MED13: variants seen among roughly 807,000 people sequenced by gnomAD.
MED13 encodes the protein mediator complex subunit 13.
A neutral mutation model predicts 225.2 loss-of-function variants in MED13; 23 were observed. The ratio of observed to expected loss-of-function variants is 0.10; its 90% CI spans 0.07 to 0.14. The LOEUF (loss-of-function observed/expected upper bound fraction) is 0.14. MED13 is among the 10% of genes least tolerant of loss of function. The pLI, the probability that MED13 is intolerant of heterozygous loss-of-function variation, is 1.00. For missense variants in MED13, 2,197 were observed against 2,594.5 expected, an observed-to-expected ratio of 0.85 and a Z score of 3.33; for synonymous variants, 942 against 889.2, an observed-to-expected ratio of 1.06 and a Z score of -1.06.
intron 16 of MED13, among the ~76,000 whole-genome samples, chr17:61,977,495 A>G (rs1244000016): frequency 6.6e-6 from 1 of 152,208 alleles, no homozygotes; most frequent in South Asian, 2.1e-4. Context: ...TCTGTCGCCC[A>G]GGCTGGAGTG....
Position 62,011,060 on chromosome 17 carries a change from ACAT to A in MED13, c.1454_1456del (p.Asp485del), listed in dbSNP as rs2080503747. On this transcript the variant is annotated inframe_deletion, in exon 9 of 30. Transcript: ENST00000397786. ...GCTGGCTGAATCTGCGTCCATGCCA[ACAT>A]CATCACTAACAGACACACGATGGTG... The A allele has an allele frequency of 6.2e-7, 1 of 1,614,104 alleles. No homozygotes were observed. The highest frequency in any genetic ancestry group is 1.3e-5 in the African/African-American group (1 of 74,944).
intron 27 of MED13, among the ~76,000 whole-genome samples, chr17:61,952,217 A>C (rs2079902701): frequency 6.6e-6 from 1 of 152,120 alleles, no homozygotes; most frequent in Admixed American, 6.5e-5. Context: ...TCAAATAGAG[A>C]GGTGTTATTA....
At chr17:61,947,251 T>C (rs1206598567) in intron 28 of MED13, among the ~76,000 whole-genome samples, 1 of 151,948 alleles carries the variant, frequency 6.6e-6, no homozygotes, top group Non-Finnish European at 1.5e-5. Flanking sequence ...CAGGCTGGTC[T>C]TGAACTCCTG....
chr17:62,018,756 T>C (rs1327491068), intron 8 of MED13, among the ~76,000 whole-genome samples: 1 of 151,984 alleles, frequency 6.6e-6, no homozygotes, highest in African/African-American at 2.4e-5. Context: ...GCATACGGGT[T>C]ATATGAATAC....
intron 26 of MED13, among the ~76,000 whole-genome samples, chr17:61,954,744 T>G (rs948192332): frequency 7.9e-5 from 12 of 152,096 alleles, no homozygotes; most frequent in African/African-American, 2.9e-4. Flanking sequence ...ACCACTGCAC[T>G]CCAGCTTGGG....
At chr17:62,027,331 G>A (rs1401556847) in intron 8 of MED13, among the ~76,000 whole-genome samples, 1 of 152,096 alleles carries the variant, frequency 6.6e-6, no homozygotes, top group Non-Finnish European at 1.5e-5. Flanking sequence ...ACAAGCAATG[G>A]GGAAAGGACT....
Position 61,984,152 on chromosome 17 carries a change from G to GT in MED13, c.2888+18dup. The GT allele has an allele frequency of 2.7e-6, 4 of 1,481,264 alleles. No homozygotes were observed. The highest frequency in any genetic ancestry group is 3.6e-6 in the Non-Finnish European group (4 of 1,115,048). 91.8% of individuals were successfully genotyped at this position (1,481,264 alleles called of 1,614,324 possible). The stretch of plus-strand genomic sequence containing the variant: ...GCTGTATAAGCAGTCACATACTATT[G>GT]TAACAACATAAATCATACCCCTCTT... On this transcript the variant is annotated intron_variant, in intron 15 of 29. Transcript: ENST00000397786.
At chr17:62,058,848 A>T (rs1677181539) in intron 2 of MED13, among the ~76,000 whole-genome samples, 4 of 152,208 alleles carry the variant, frequency 2.6e-5, no homozygotes, top group Admixed American at 2.6e-4. Context: ...TGAGGGTTTA[A>T]AGTATGTATT....
intron 16 of MED13, among the ~76,000 whole-genome samples, chr17:61,977,044 A>C: frequency 6.6e-6 from 1 of 152,346 alleles, no homozygotes; most frequent in Non-Finnish European, 1.5e-5. Flanking sequence ...AAACTAAATA[A>C]ACAAATCCAA....
intron 3 of MED13, 23 bp downstream of exon 3, chr17:62,052,514 C>A: frequency 6.7e-7 from 1 of 1,501,080 alleles, no homozygotes; most frequent in South Asian, 1.4e-5. Flanking sequence ...AGAAATATCA[C>A]GTCAGAATTT....
chr17:61,963,460 A>T (rs534673984), intron 20 of MED13, among the ~76,000 whole-genome samples: 1 of 151,922 alleles, frequency 6.6e-6, no homozygotes. Flanking sequence ...CTCTCTCTCT[A>T]TATATGTGTA....
rs181521694 is a variant in MED13, at chr17:61,954,118, C to T, written c.5969-1005G>A. Among the ~76,000 whole-genome samples the T allele has an allele frequency of 3.6e-3, 543 of 152,106 alleles. 5 individuals carry two copies. The highest frequency in any genetic ancestry group is 0.013 in the African/African-American group (526 of 41,492). The stretch of plus-strand genomic sequence containing the variant: ...GCAACTGAAATCATGTAAAGCAAAA[C>T]CAAAGATAAGGAGGATTACTGTATT... On this transcript the variant is annotated intron_variant, in intron 26 of 29. Transcript: ENST00000397786.
At chr17:62,012,558 G>A (rs1439222712) in intron 8 of MED13, among the ~76,000 whole-genome samples, 1 of 151,802 alleles carries the variant, frequency 6.6e-6, no homozygotes, top group African/African-American at 2.4e-5. Context: ...CTGAACTCCC[G>A]ACCTCAGGAG....
At chr17:62,000,538 A>C (rs1334636403) in intron 9 of MED13, among the ~76,000 whole-genome samples, 1 of 152,198 alleles carries the variant, frequency 6.6e-6, no homozygotes, top group Non-Finnish European at 1.5e-5. Flanking sequence ...CAAGATAACA[A>C]GTACTATTTC....
In MED13 at chr17:61,969,414, G is replaced by T. The variant is rs982610102; in HGVS notation, c.3968-1156C>A. On this transcript the variant is annotated intron_variant, in intron 17 of 29. Transcript: ENST00000397786. ...CTGTAGGCCAGGTGCTGTGGCTCAT[G>T]CCTGTAATCTCAGCACCTTGGGAGA... 5.9e-5 allele frequency among the ~76,000 whole-genome samples: 9 copies of T among 152,030 alleles called. 1 individual carries two copies. The highest frequency in any genetic ancestry group is 2.2e-4 in the African/African-American group (9 of 41,402).
At chr17:62,022,779 G>A (rs897135263) in intron 8 of MED13, among the ~76,000 whole-genome samples, 1 of 152,144 alleles carries the variant, frequency 6.6e-6, no homozygotes, top group African/African-American at 2.4e-5. Flanking sequence ...GGAGGCTGAG[G>A]CAGGAAGATC....
intron 23 of MED13, among the ~76,000 whole-genome samples, chr17:61,959,737 T>G (rs2143335364): frequency 6.6e-6 from 1 of 150,880 alleles, no homozygotes; most frequent in South Asian, 2.1e-4. Flanking sequence ...TTTTTTTTTT[T>G]TTTTTTTTTG....
At position 62,062,037 on chromosome 17, in the gene MED13, T is replaced by C. The variant is rs750239750; in HGVS notation, c.301+1030A>G. Among the ~76,000 whole-genome samples, 11 of 152,266 alleles carry C rather than the reference T, an allele frequency of 7.2e-5. No individual in the cohort carries two copies. In the South Asian group the frequency reaches 8.3e-4, roughly 11 times the overall value. On this transcript the variant is annotated intron_variant, in intron 2 of 29. Transcript: ENST00000397786. Reference sequence around the variant, plus strand: ...GGTCTTACTAAGTACCAGTTCAAGATACAGACACCTAGAATACATTCTATC... The same window carrying C: ...GGTCTTACTAAGTACCAGTTCAAGACACAGACACCTAGAATACATTCTATC...
At chr17:61,986,399 G>A (rs1051669505) in intron 12 of MED13, among the ~76,000 whole-genome samples, 2 of 152,162 alleles carry the variant, frequency 1.3e-5, no homozygotes, top group Non-Finnish European at 1.5e-5. Flanking sequence ...TTATGATAAT[G>A]CAGCACCCAA....
Sources: gnomAD v4.1 joint callset for allele counts (sites outside exome capture counted in the v4.1 genomes callset) on GRCh38, gnomAD v4.1.1 for gene constraint, MANE v1.5 for transcripts, NCBI Gene and HGNC (gene_info 2026-07-23, HGNC 2026-07-21) for gene names.